The following TLE4 variants were observed in gnomAD, a reference collection of about 807,000 sequenced individuals.
The protein encoded by TLE4 is TLE family member 4, transcriptional corepressor, also known as transducin-like enhancer protein 4.
A neutral mutation model predicts 92.8 loss-of-function variants in TLE4; 8 were observed. The ratio of observed to expected loss-of-function variants is 0.09; its 90% CI spans 0.05 to 0.16. TLE4 has a LOEUF of 0.16. TLE4 is among the 10% of genes least tolerant of loss of function. The pLI is 1.00. For synonymous variants in TLE4, 371 were observed against 374.1 expected (o/e 0.99, Z 0.10); for missense variants, 675 against 997.6 (o/e 0.68, Z 4.36).
intron 5 of TLE4, among the ~76,000 whole-genome samples, chr9:79,620,767 T>C (rs1357226295): frequency 6.6e-6 from 1 of 152,208 alleles, no homozygotes; most frequent in East Asian, 1.9e-4. Context: ...GAAAAGGCTT[T>C]ATTGGCTCAT....
At chr9:79,674,903 A>G (rs1301724862) in intron 8 of TLE4, among the ~76,000 whole-genome samples, 1 of 152,214 alleles carries the variant, frequency 6.6e-6, no homozygotes, top group African/African-American at 2.4e-5. Context: ...GAAAAATCTG[A>G]CAAAGATTTT....
At chr9:79,615,346 C>G (rs527620691) in intron 5 of TLE4, among the ~76,000 whole-genome samples, 1 of 152,122 alleles carries the variant, frequency 6.6e-6, no homozygotes, top group Non-Finnish European at 1.5e-5. Context: ...GTGACAGTCT[C>G]GCTACCAAAA....
At chr9:79,629,611 T>C (rs1171099540) in intron 6 of TLE4, among the ~76,000 whole-genome samples, 1 of 152,156 alleles carries the variant, frequency 6.6e-6, no homozygotes, top group African/African-American at 2.4e-5. Flanking sequence ...TTGGATATAG[T>C]TGGATATAGT....
chr9:79,671,702 A>G (rs1384878012), intron 8 of TLE4: 1 of 162,258 alleles, frequency 6.2e-6, no homozygotes, highest in African/African-American at 2.4e-5. Flanking sequence ...TTAACTGAGG[A>G]GTCTCACAAG....
At chr9:79,597,947 C>G (rs1406580092) in intron 4 of TLE4, among the ~76,000 whole-genome samples, 2 of 151,918 alleles carry the variant, frequency 1.3e-5, no homozygotes, top group Non-Finnish European at 2.9e-5. Flanking sequence ...TAAAAGGACT[C>G]ACTGGCCTGG....
intron 4 of TLE4, among the ~76,000 whole-genome samples, chr9:79,606,187 G>GGTTTTT (rs2046832468): frequency 3.5e-5 from 1 of 28,674 alleles, no homozygotes; most frequent in Non-Finnish European, 6.4e-5. Context: ...AGTAGTAGTT[G>GGTTTTT]TTTTTTTTTT....
At chr9:79,690,779 C>CG (rs2066893971) in intron 8 of TLE4, among the ~76,000 whole-genome samples, 3 of 54,150 alleles carry the variant, frequency 5.5e-5, no homozygotes, top group Non-Finnish European at 1.0e-4. Context: ...CCACTCCTGG[C>CG]TTTTTTTTTT....
At chr9:79,592,938 A>G (rs977403811) in intron 4 of TLE4, among the ~76,000 whole-genome samples, 6 of 152,214 alleles carry the variant, frequency 3.9e-5, no homozygotes, top group Non-Finnish European at 8.8e-5. Context: ...TATGTCCCTG[A>G]TGAGCTAAAC....
intron 18 of TLE4, 29 bp downstream of exon 18, chr9:79,722,630 G>T: frequency 6.2e-7 from 1 of 1,609,788 alleles, no homozygotes; most frequent in East Asian, 2.2e-5. Flanking sequence ...TCCATTTTCT[G>T]TCAACCAGAA....
At position 79,572,678 on chromosome 9, in the gene TLE4, C is replaced by G. The variant is rs1238418679; in HGVS notation, c.-113C>G. 1.9e-6 allele frequency: 2 copies of G among 1,036,686 alleles called. No individual in the cohort carries two copies. The highest frequency in any genetic ancestry group is 1.7e-5 in the African/African-American group (1 of 58,958). The allele number at this position is 1,036,686 out of a possible 1,614,324, so 64.2% of individuals were successfully genotyped here. A position where few individuals can be genotyped will look rare whatever the true frequency, so the allele number is the denominator to read the frequency against. Reference sequence around the variant, plus strand: ...CGGCGGGGGCCGGGACCGCCCGAGCCGCCCCTCAGACCGAGCCGGCCGCCT... The same window carrying G: ...CGGCGGGGGCCGGGACCGCCCGAGCGGCCCCTCAGACCGAGCCGGCCGCCT... On this transcript the variant is annotated 5_prime_UTR_variant, in exon 1 of 20. Coordinates refer to ENST00000376552, the MANE Select transcript of TLE4 (RefSeq NM_007005.6).
rs928963440 is a variant in TLE4, at chr9:79,655,090, C to T, written c.609+1015C>T. On this transcript the variant is annotated intron_variant, in intron 8 of 19. Coordinates refer to ENST00000376552, the MANE Select transcript of TLE4 (RefSeq NM_007005.6). Reference sequence around the variant, plus strand: ...CTGGGAGGCAGAGGTTGCAGTGAGCCGAGATCATGCCACTGCACTCCACCC... The same window carrying T: ...CTGGGAGGCAGAGGTTGCAGTGAGCTGAGATCATGCCACTGCACTCCACCC... 1.4e-4 allele frequency among the ~76,000 whole-genome samples: 22 copies of T among 152,168 alleles called. 1 individual carries two copies. Among genetic ancestry groups the T allele is most frequent in the African/African-American group, 3.4e-4 (14 of 41,506 alleles).
chr9:79,607,158 CATAA>C (rs1367543397), intron 4 of TLE4, among the ~76,000 whole-genome samples: 1 of 152,210 alleles, frequency 6.6e-6, no homozygotes. Flanking sequence ...CTGTTGACTG[CATAA>C]ATGTCTTCTT....
At chr9:79,659,260 T>TA (rs1366991462) in intron 8 of TLE4, among the ~76,000 whole-genome samples, 1 of 152,236 alleles carries the variant, frequency 6.6e-6, no homozygotes, top group Non-Finnish European at 1.5e-5. Flanking sequence ...GAACGCCTCA[T>TA]ACACCCAGCA....
chr9:79,615,143 T>C (rs866397841), intron 5 of TLE4, among the ~76,000 whole-genome samples: 4 of 152,152 alleles, frequency 2.6e-5, no homozygotes, highest in Admixed American at 6.5e-5. Context: ...TCTGTGAGCA[T>C]TGGACTCCTT....
In TLE4 at chr9:79,688,779, A is replaced by G. The variant is rs561614581; in HGVS notation, c.610-16004A>G. 1.5e-4 allele frequency among the ~76,000 whole-genome samples: 23 copies of G among 152,144 alleles called. No homozygotes were observed. The East Asian group carries it at 3.7e-3, about 25-fold the overall frequency. On this transcript the variant is annotated intron_variant, in intron 8 of 19. Transcript: ENST00000376552. ...CTCTTCAATTGCCAAATACATTCCAATTAGCTGAAGGAAGGTCAAAAATTC... is the reference window on the plus strand; with the variant it reads ...CTCTTCAATTGCCAAATACATTCCAGTTAGCTGAAGGAAGGTCAAAAATTC...
chr9:79,624,355 G>T (rs1221720060), intron 5 of TLE4, among the ~76,000 whole-genome samples: 1 of 152,052 alleles, frequency 6.6e-6, no homozygotes, highest in Non-Finnish European at 1.5e-5. Context: ...ACATGGTGTG[G>T]CTGAGTGAGC....
intron 4 of TLE4, among the ~76,000 whole-genome samples, chr9:79,604,049 A>G (rs2046284380): frequency 1.3e-5 from 2 of 152,150 alleles, no homozygotes; most frequent in Admixed American, 1.3e-4. Context: ...AAAAATATAT[A>G]TGAGATAATT....
intron 5 of TLE4, among the ~76,000 whole-genome samples, chr9:79,618,131 C>T (rs1424836594): frequency 6.6e-6 from 1 of 152,134 alleles, no homozygotes; most frequent in Non-Finnish European, 1.5e-5. Flanking sequence ...GACCATTATG[C>T]CCCCCTAAAA....
chr9:79,706,954 A>T, intron 11 of TLE4, 55 bp downstream of exon 11: 1 of 1,587,684 alleles, frequency 6.3e-7, no homozygotes, highest in Non-Finnish European at 8.6e-7. Flanking sequence ...TTGATGTTTG[A>T]ATTTGATGTT....
Sources: gnomAD v4.1 joint callset for allele counts (sites outside exome capture counted in the v4.1 genomes callset) on GRCh38, gnomAD v4.1.1 for gene constraint, MANE v1.5 for transcripts, NCBI Gene and HGNC (gene_info 2026-07-23, HGNC 2026-07-21) for gene names.